The following ALK variants were observed in gnomAD, a reference collection of about 807,000 sequenced individuals.
The protein encoded by ALK is ALK tyrosine kinase receptor.
Under a neutral mutation model 163.1 loss-of-function variants are expected in ALK, and 74 were observed. The observed-to-expected ratio is 0.45, with a 90% CI of 0.38 to 0.55. The LOEUF (loss-of-function observed/expected upper bound fraction) is 0.55, where lower values mean the gene tolerates loss of function less well. Ranked by LOEUF, ALK falls within the 20% of genes least tolerant of loss-of-function variation. ALK has a pLI of 0.00. For synonymous variants in ALK, 960 were observed against 843.2 expected (o/e 1.14, Z -2.40); for missense variants, 2,063 against 2,105.3 (o/e 0.98, Z 0.39).
intron 4 of ALK, among the ~76,000 whole-genome samples, chr2:29,476,685 T>C (rs6750162): frequency 0.83 from 126,504 of 151,746 alleles, 53,142 homozygotes; most frequent in Non-Finnish European, 0.89. Context: ...CAGGGAAGTG[T>C]GCTGCATGGG....
At chr2:29,196,928 C>A (rs1573083489) in intron 27 of ALK, 68 bp from the exon 28 acceptor site, 3 of 1,382,174 alleles carry the variant, frequency 2.2e-6, no homozygotes, top group Non-Finnish European at 3.1e-6. Context: ...TTTCTTCCAG[C>A]CCCAGGGTTG....
intron 1 of ALK, among the ~76,000 whole-genome samples, chr2:29,867,855 T>C (rs1448144282): frequency 1.3e-5 from 2 of 152,164 alleles, no homozygotes; most frequent in Admixed American, 6.5e-5. Context: ...CTCCTTGCTT[T>C]GCTTGAGTGA....
intron 4 of ALK, among the ~76,000 whole-genome samples, chr2:29,465,767 G>A (rs1053856196): frequency 6.6e-6 from 1 of 151,932 alleles, no homozygotes; most frequent in African/African-American, 2.4e-5. Flanking sequence ...ATGAAAAACT[G>A]GATCTACCTA....
chr2:29,767,096 A>G (rs989689513), intron 1 of ALK, among the ~76,000 whole-genome samples: 4 of 152,242 alleles, frequency 2.6e-5, no homozygotes, highest in Non-Finnish European at 4.4e-5. Context: ...GCTATTTATA[A>G]CTTTTAATAG....
chr2:29,705,025 C>T (rs1180725095), intron 2 of ALK, among the ~76,000 whole-genome samples: 1 of 151,510 alleles, frequency 6.6e-6, no homozygotes, highest in Non-Finnish European at 1.5e-5. Context: ...CGAGACCAGC[C>T]TAGCCAACAT....
intron 3 of ALK, among the ~76,000 whole-genome samples, chr2:29,575,907 A>G (rs1674513222): frequency 6.6e-6 from 1 of 152,216 alleles, no homozygotes; most frequent in South Asian, 2.1e-4. Flanking sequence ...TGATGGGCTC[A>G]TGAAAGGCAT....
intron 1 of ALK, among the ~76,000 whole-genome samples, chr2:29,802,329 G>A (rs1201631438): frequency 4.1e-5 from 2 of 48,588 alleles, no homozygotes; most frequent in African/African-American, 8.3e-5. Flanking sequence ...GAGGGGAGAG[G>A]AGGGGAGGGC....
intron 12 of ALK, among the ~76,000 whole-genome samples, chr2:29,247,192 C>A (rs1221716335): frequency 2.6e-5 from 4 of 152,224 alleles, no homozygotes; most frequent in Non-Finnish European, 1.5e-5. Context: ...GCGGCAGCGC[C>A]TTGTGGAAAC....
intron 2 of ALK, among the ~76,000 whole-genome samples, chr2:29,713,202 T>C (rs1573576475): frequency 6.6e-6 from 1 of 152,318 alleles, no homozygotes; most frequent in East Asian, 1.9e-4. Flanking sequence ...TTTTCTCTTC[T>C]TATAAGGACA....
At chr2:29,492,569 G>C (rs1671927711) in intron 4 of ALK, among the ~76,000 whole-genome samples, 1 of 152,182 alleles carries the variant, frequency 6.6e-6, no homozygotes, top group African/African-American at 2.4e-5. Context: ...TCTGCACACG[G>C]TCAGTAGGTG....
intron 3 of ALK, among the ~76,000 whole-genome samples, chr2:29,656,022 A>C (rs946579883): frequency 2.0e-5 from 3 of 152,174 alleles, no homozygotes; most frequent in Non-Finnish European, 2.9e-5. Context: ...GGTCACAAGC[A>C]TATGTATATA....
rs116520556 is a variant in ALK, at chr2:29,790,263, C to T, written c.668-72566G>A. ...ACTATCTTGTCAGGATGGAGGGTGG[C>T]GGAGTGGAAAGTAGATTAAAGCAGG... On this transcript the variant is annotated intron_variant, in intron 1 of 28. Coordinates refer to ENST00000389048, the MANE Select transcript of ALK (RefSeq NM_004304.5). Among the ~76,000 whole-genome samples, 1,291 of 152,008 alleles carry T rather than the reference C, an allele frequency of 8.5e-3. 14 individuals are homozygous for T. Among genetic ancestry groups the T allele is most frequent in the African/African-American group, 0.03 (1,247 of 41,426 alleles).
intron 8 of ALK, among the ~76,000 whole-genome samples, chr2:29,301,543 C>G (rs1429342128): frequency 6.6e-6 from 1 of 152,140 alleles, no homozygotes; most frequent in Non-Finnish European, 1.5e-5. Context: ...ACTTTCCATC[C>G]TAGGAAGCTC....
rs192951783 is a variant in ALK at position 29,620,819 on chromosome 2, G to A, written c.952+74031C>T. Among the ~76,000 whole-genome samples, 55 of 152,262 alleles carry A rather than the reference G, an allele frequency of 3.6e-4. No individual in the cohort carries two copies. The East Asian group carries it at 9.3e-3, about 26-fold the overall frequency. ...AACCCCGCGCCTCGGGAGAAAGAAC[G>A]CATACAAATTCAAAGTGGTTTTCAA... is the stretch of plus-strand genomic sequence containing the variant. On this transcript the variant is annotated intron_variant, in intron 3 of 28. Transcript: ENST00000389048.
At chr2:29,254,855 G>A (rs968329830) in intron 11 of ALK, among the ~76,000 whole-genome samples, 1 of 152,124 alleles carries the variant, frequency 6.6e-6, no homozygotes, top group Non-Finnish European at 1.5e-5. Context: ...GGGACTCCAG[G>A]GTCATTTCTC....
intron 5 of ALK, among the ~76,000 whole-genome samples, chr2:29,353,356 A>G (rs1668165018): frequency 1.3e-5 from 2 of 152,288 alleles, no homozygotes; most frequent in East Asian, 1.9e-4. Flanking sequence ...CTATCAATCA[A>G]TCACCAATTT....
intron 1 of ALK, among the ~76,000 whole-genome samples, chr2:29,794,238 C>T (rs1451923900): frequency 6.6e-6 from 1 of 152,118 alleles, no homozygotes; most frequent in African/African-American, 2.4e-5. Flanking sequence ...AATTTTTCTC[C>T]TGCAGATTCT....
chr2:29,473,756 T>G (rs1432246019), intron 4 of ALK, among the ~76,000 whole-genome samples: 1 of 152,040 alleles, frequency 6.6e-6, no homozygotes, highest in Non-Finnish European at 1.5e-5. Flanking sequence ...CTCAGGAGGC[T>G]GAGGCAGGAG....
chr2:29,887,889 T>A (rs1184669974), intron 1 of ALK, among the ~76,000 whole-genome samples: 1 of 152,208 alleles, frequency 6.6e-6, no homozygotes, highest in Non-Finnish European at 1.5e-5. Flanking sequence ...AGACCTTTAC[T>A]TCAAAAGAAA....
Sources: allele counts gnomAD v4.1 joint callset (sites outside exome capture counted in the v4.1 genomes callset), GRCh38; gene constraint gnomAD v4.1.1; transcripts MANE v1.5; gene names NCBI Gene and HGNC (gene_info 2026-07-23, HGNC 2026-07-21).